Variants in LEMD3 observed in about 807,000 individuals in gnomAD.
The protein encoded by LEMD3 is inner nuclear membrane protein Man1.
Under a neutral mutation model 95.2 loss-of-function variants are expected in LEMD3, and 33 were observed. That is an observed-to-expected ratio of 0.35 (90% CI 0.26 to 0.46). The LOEUF is 0.46. Among genes scored for constraint, LEMD3 ranks in the 20% least tolerant of loss-of-function variants. The probability of loss-of-function intolerance (pLI) is 1.00; values close to 1 mark genes in which losing one functional copy is unlikely to be tolerated. For missense variants in LEMD3, 1,210 were observed against 1,192.8 expected (o/e 1.01, Z -0.21); for synonymous variants, 525 against 474.6 (o/e 1.11, Z -1.38).
At chr12:65,234,288 C>T (rs573308400) in intron 4 of LEMD3, among the ~76,000 whole-genome samples, 1 of 152,288 alleles carries the variant, frequency 6.6e-6, no homozygotes, top group South Asian at 2.1e-4. Flanking sequence ...CTCTCTGGCC[C>T]TTTACGGACA....
intron 1 of LEMD3, among the ~76,000 whole-genome samples, chr12:65,193,072 C>T (rs116940192): frequency 7.8e-4 from 118 of 152,182 alleles, no homozygotes; most frequent in Non-Finnish European, 1.3e-3. Flanking sequence ...AGCAGCGGAA[C>T]GTATCAGAGA....
intron 8 of LEMD3, chr12:65,240,541 G>C: frequency 2.4e-6 from 1 of 422,146 alleles, no homozygotes; most frequent in Admixed American, 4.1e-5. Context: ...ATGACAGCCA[G>C]TGGCTGGTGT....
intron 4 of LEMD3, among the ~76,000 whole-genome samples, chr12:65,230,576 G>A (rs1393816722): frequency 6.6e-6 from 1 of 151,470 alleles, no homozygotes; most frequent in African/African-American, 2.4e-5. Context: ...GTTTTTTGTT[G>A]GTATATGTTA....
intron 1 of LEMD3, among the ~76,000 whole-genome samples, chr12:65,178,183 T>C (rs757933920): frequency 1.3e-5 from 2 of 151,698 alleles, no homozygotes; most frequent in Admixed American, 6.6e-5. Flanking sequence ...CTCCATGTTA[T>C]GTTTGAAGTT....
intron 4 of LEMD3, among the ~76,000 whole-genome samples, chr12:65,219,684 C>G (rs1870223128): frequency 6.6e-6 from 1 of 152,182 alleles, no homozygotes; most frequent in South Asian, 2.1e-4. Context: ...GACTGAAACT[C>G]TATAGCCATT....
At chr12:65,191,998 G>T (rs1053170658) in intron 1 of LEMD3, among the ~76,000 whole-genome samples, 2 of 148,040 alleles carry the variant, frequency 1.4e-5, no homozygotes, top group Non-Finnish European at 3.0e-5. Context: ...AATATCAGAG[G>T]TTTAAAAATA....
intron 1 of LEMD3, 101 bp downstream of exon 1, chr12:65,171,219 A>G: frequency 6.4e-7 from 1 of 1,573,124 alleles, no homozygotes; most frequent in Non-Finnish European, 8.6e-7. Flanking sequence ...ACCTGCAAGA[A>G]TATGGTTTAA....
At chr12:65,182,978 A>C (rs535776628) in intron 1 of LEMD3, among the ~76,000 whole-genome samples, 3 of 152,298 alleles carry the variant, frequency 2.0e-5, no homozygotes, top group African/African-American at 7.2e-5. Flanking sequence ...GAATATTAAT[A>C]GTACTTAAAT....
chr12:65,194,895 A>ATTTATAAATTATAATTTAGATTATAATTT lies in LEMD3; in HGVS notation c.1523-16031_1523-16030insTTTATAAATTATAATTTAGATTATAATTT, dbSNP rs1592438548. On this transcript the variant is annotated intron_variant, in intron 1 of 12. Coordinates refer to ENST00000308330, the MANE Select transcript of LEMD3 (RefSeq NM_014319.5). The stretch of plus-strand genomic sequence containing the variant: ...TTTAGATTATAATTTATAAAATTAA[A>ATTTATAAATTATAATTTAGATTATAATTT]ATAAAATAATTATTAAATTATTATA... Among the ~76,000 whole-genome samples the ATTTATAAATTATAATTTAGATTATAATTT allele has an allele frequency of 5.7e-5, 8 of 141,304 alleles. 1 individual carries two copies. Among genetic ancestry groups the ATTTATAAATTATAATTTAGATTATAATTT allele is most frequent in the East Asian group, 4.6e-4 (2 of 4,354 alleles). The allele number at this position is 141,304 out of a possible 152,430, so 92.7% of individuals were successfully genotyped here. A position where few individuals can be genotyped will look rare whatever the true frequency, so the allele number is the denominator to read the frequency against.
intron 1 of LEMD3, among the ~76,000 whole-genome samples, chr12:65,179,971 A>G (rs989608055): frequency 6.6e-6 from 1 of 151,714 alleles, no homozygotes; most frequent in Non-Finnish European, 1.5e-5. Flanking sequence ...TGGAGACAGG[A>G]TCTTGTTCTC....
At chr12:65,195,522 T>A (rs957640222) in intron 1 of LEMD3, among the ~76,000 whole-genome samples, 2 of 152,160 alleles carry the variant, frequency 1.3e-5, no homozygotes, top group African/African-American at 2.4e-5. Context: ...ACCCCTGTTT[T>A]CCTCTTCTGA....
At chr12:65,195,645 A>G in intron 1 of LEMD3, among the ~76,000 whole-genome samples, 1 of 152,118 alleles carries the variant, frequency 6.6e-6, no homozygotes, top group East Asian at 1.9e-4. Flanking sequence ...CAATACTGTC[A>G]TTTACTGAAA....
intron 1 of LEMD3, among the ~76,000 whole-genome samples, chr12:65,190,366 A>G (rs555850608): frequency 9.9e-5 from 15 of 152,094 alleles, no homozygotes; most frequent in Non-Finnish European, 2.2e-4. Flanking sequence ...CGTCTCATTT[A>G]TACCTCTCTA....
At position 65,247,022 on chromosome 12, in the gene LEMD3, G is replaced by C. The variant is rs994894114; in HGVS notation, c.*697G>C. 1 of 152,814 alleles carries C rather than the reference G, an allele frequency of 6.5e-6. No homozygotes were observed. The highest frequency in any genetic ancestry group is 1.5e-5 in the Non-Finnish European group (1 of 68,266). The allele number at this position is 152,814 out of a possible 1,614,324, so 9.5% of individuals were successfully genotyped here. ...AATGTGTGTGTATATATGTATGTGT[G>C]TATGTGTGTGTATATATAGATGTAT... is the stretch of plus-strand genomic sequence containing the variant. On this transcript the variant is annotated 3_prime_UTR_variant, in exon 13 of 13. Coordinates refer to ENST00000308330, the MANE Select transcript of LEMD3 (RefSeq NM_014319.5).
chr12:65,237,526 C>T (rs1027766911), intron 4 of LEMD3, among the ~76,000 whole-genome samples: 15 of 152,184 alleles, frequency 9.9e-5, no homozygotes, highest in African/African-American at 3.4e-4. Flanking sequence ...ACTCTTGTCT[C>T]ATAAAATCCT....
At chr12:65,192,904 TAAAAC>T (rs1420838136) in intron 1 of LEMD3, among the ~76,000 whole-genome samples, 2 of 152,206 alleles carry the variant, frequency 1.3e-5, no homozygotes, top group Non-Finnish European at 2.9e-5. Context: ...TATTATAACA[TAAAAC>T]AAAGCTAGCC....
In LEMD3 at chr12:65,193,732, CTGTGTGTG is replaced by C. The variant is rs746675293; in HGVS notation, c.1523-17158_1523-17151del. On this transcript the variant is annotated intron_variant, in intron 1 of 12. Transcript: ENST00000308330. ...CCTGATGGTCGCCTAACATAACTGG[CTGTGTGTG>C]TGTGTGTGTGTGTGTGTGTGTGTGT... Among the ~76,000 whole-genome samples, 485 of 129,438 alleles carry C rather than the reference CTGTGTGTG, an allele frequency of 3.7e-3. 2 individuals are homozygous for C. The highest frequency in any genetic ancestry group is 4.8e-3 in the Non-Finnish European group (297 of 62,346). 84.9% of individuals were successfully genotyped at this position (129,438 alleles called of 152,430 possible). A position where few individuals can be genotyped will look rare whatever the true frequency, so the allele number is the denominator to read the frequency against.
At chr12:65,236,775 A>G (rs1870786172) in intron 4 of LEMD3, among the ~76,000 whole-genome samples, 1 of 152,210 alleles carries the variant, frequency 6.6e-6, no homozygotes, top group Non-Finnish European at 1.5e-5. Flanking sequence ...GTTGATTAAA[A>G]GTATAGAATA....
At chr12:65,183,547 G>A (rs1157076417) in intron 1 of LEMD3, among the ~76,000 whole-genome samples, 1 of 152,098 alleles carries the variant, frequency 6.6e-6, no homozygotes, top group Non-Finnish European at 1.5e-5. Flanking sequence ...TGTCAGTTTT[G>A]TTATCATTTT....
Sources: gnomAD v4.1 joint callset for allele counts (sites outside exome capture counted in the v4.1 genomes callset) on GRCh38, gnomAD v4.1.1 for gene constraint, MANE v1.5 for transcripts, NCBI Gene and HGNC (gene_info 2026-07-23, HGNC 2026-07-21) for gene names.